EPAS1: variants seen among roughly 807,000 people sequenced by gnomAD.
EPAS1 encodes endothelial PAS domain protein 1.
Under a neutral mutation model 87.9 loss-of-function variants are expected in EPAS1, and 23 were observed. The observed-to-expected ratio is 0.26, with a 90% confidence interval of 0.19 to 0.37. The LOEUF (loss-of-function observed/expected upper bound fraction) is 0.37, where lower values mean the gene tolerates loss of function less well. Among genes scored for constraint, EPAS1 ranks in the 10% least tolerant of loss-of-function variants. EPAS1 has a pLI of 1.00. For synonymous variants in EPAS1, 508 were observed against 444.3 expected (o/e 1.14, Z -1.80); for missense variants, 1,138 against 1,120.7 (o/e 1.02, Z -0.22).
chr2:46,377,846 G>A (rs1308911130), intron 9 of EPAS1, 48 bp from the exon 10 acceptor site: 1 of 1,551,558 alleles, frequency 6.4e-7, no homozygotes, highest in Non-Finnish European at 8.7e-7. Context: ...GCCTTGGGGT[G>A]AGCCCGATGG....
intron 14 of EPAS1, 65 bp from the exon 15 acceptor site, chr2:46,382,360 G>C (rs2103677730): frequency 6.3e-7 from 1 of 1,595,176 alleles, no homozygotes; most frequent in Non-Finnish European, 8.6e-7. Context: ...GGGATGCTAG[G>C]GCTTCCTGGC....
chr2:46,307,285 G>C (rs1450040063), intron 1 of EPAS1, among the ~76,000 whole-genome samples: 1 of 152,212 alleles, frequency 6.6e-6, no homozygotes, highest in Non-Finnish European at 1.5e-5. Context: ...TGGGGCCTGG[G>C]TTTGGAGCAG....
chr2:46,361,349 G>C (rs13409493), intron 6 of EPAS1, among the ~76,000 whole-genome samples: 1 of 152,032 alleles, frequency 6.6e-6, no homozygotes, highest in Admixed American at 6.5e-5. Context: ...CATCATTGTG[G>C]TGTGAACATA....
rs572605312 is a variant in EPAS1, at chr2:46,378,096, C to G, written c.1443+9C>G. On this transcript the variant is annotated intron_variant, in intron 10 of 15. Coordinates refer to ENST00000263734, the MANE Select transcript of EPAS1 (RefSeq NM_001430.5). ...GCAGCAGCTGCTCCACGGTGAGCAGCCCTCTTATGGCGAGGACACAGAGAG... is the reference window on the plus strand; with the variant it reads ...GCAGCAGCTGCTCCACGGTGAGCAGGCCTCTTATGGCGAGGACACAGAGAG... 1.3e-6 allele frequency: 2 copies of G among 1,592,664 alleles called. No individual in the cohort carries two copies. The highest frequency in any genetic ancestry group is 3.5e-5 in the Admixed American group (2 of 57,912).
rs142434864 is a variant in EPAS1 at position 46,378,551 on chromosome 2, G to A, written c.1444-106G>A. 4,258 of 907,904 alleles carry A rather than the reference G, an allele frequency of 4.7e-3. 18 individuals carry two copies. Among genetic ancestry groups the A allele is most frequent in the Non-Finnish European group, 5.9e-3 (3,306 of 556,466 alleles). The allele number at this position is 907,904 out of a possible 1,614,324, so 56.2% of individuals were successfully genotyped here. ...TCTACAAATAGTTGTGTGGTGGAAT[G>A]GAATTGAACCTTTGGGTCCAGGAAG... On this transcript the variant is annotated intron_variant, in intron 10 of 15. Coordinates refer to ENST00000263734, the MANE Select transcript of EPAS1 (RefSeq NM_001430.5).
At chr2:46,326,098 TTCCTTC>T (rs776323757) in intron 1 of EPAS1, among the ~76,000 whole-genome samples, 62 of 152,330 alleles carry the variant, frequency 4.1e-4, no homozygotes, top group Middle Eastern at 6.8e-3. Flanking sequence ...ATTGGATCAG[TTCCTTC>T]TAGGCATCAG....
In EPAS1 at chr2:46,371,277, G is replaced by A. The variant is rs1252096745; in HGVS notation, c.886+1344G>A. Among the ~76,000 whole-genome samples the A allele has an allele frequency of 6.6e-6, 1 of 152,190 alleles. No homozygotes were observed. Among genetic ancestry groups the A allele is most frequent in the East Asian group, 1.9e-4 (1 of 5,196 alleles). On this transcript the variant is annotated intron_variant, in intron 7 of 15. Coordinates refer to ENST00000263734, the MANE Select transcript of EPAS1 (RefSeq NM_001430.5). The surrounding 1 kb of genome is among the most constrained non-coding windows in gnomAD (Gnocchi z 4.3). ...CAAGGCTAAGACAGCCAAGTTCAGT[G>A]CAGCCAGCAGAGTCACAACCCCGCA...
chr2:46,362,863 A>G (rs1684421449), intron 6 of EPAS1, among the ~76,000 whole-genome samples: 1 of 152,126 alleles, frequency 6.6e-6, no homozygotes, highest in South Asian at 2.1e-4. Context: ...ATAAGTAGAA[A>G]GAAATGCTCT....
At chr2:46,327,534 G>T (rs1224194874) in intron 1 of EPAS1, among the ~76,000 whole-genome samples, 6 of 152,112 alleles carry the variant, frequency 3.9e-5, no homozygotes, top group Admixed American at 2.6e-4. Flanking sequence ...TTGGAACACT[G>T]CCATTAATAT....
Position 46,384,495 on chromosome 2 carries a change from A to T in EPAS1, c.2462-14A>T. The T allele has an allele frequency of 6.2e-7, 1 of 1,614,222 alleles. No homozygotes were observed. Among genetic ancestry groups the T allele is most frequent in the Non-Finnish European group, 8.5e-7 (1 of 1,180,040 alleles). Reference sequence around the variant, plus strand: ...ATTTAGGCCTTTAAGTTATGGTACCAACCCTTCTTTCAGGCATGGCAAGCC... The same window carrying T: ...ATTTAGGCCTTTAAGTTATGGTACCTACCCTTCTTTCAGGCATGGCAAGCC... On this transcript the variant is annotated splice_polypyrimidine_tract_variant and intron_variant, in intron 15 of 15. Transcript: ENST00000263734.
At chr2:46,382,137 G>C (rs747541380) in intron 14 of EPAS1, 48 bp downstream of exon 14, 2 of 1,565,988 alleles carry the variant, frequency 1.3e-6, no homozygotes, top group Non-Finnish European at 1.7e-6. Flanking sequence ...CTGGTGGAAG[G>C]ACTGGGGCTC....
Position 46,297,838 on chromosome 2 carries a change from G to A in EPAS1, c.-74G>A, listed in dbSNP as rs1393976576. The A allele has an allele frequency of 2.6e-5, 41 of 1,573,070 alleles. No individual in the cohort carries two copies. The highest frequency in any genetic ancestry group is 3.4e-5 in the Non-Finnish European group (40 of 1,159,652). On this transcript the variant is annotated 5_prime_UTR_variant, in exon 1 of 16. Coordinates refer to ENST00000263734, the MANE Select transcript of EPAS1 (RefSeq NM_001430.5). ...CCCGCCCGGGCCGCGGGGAGCGGAC[G>A]AGGGCCACAGCCCCCCACCCGCCAG...
At chr2:46,302,827 A>G (rs1683037702) in intron 1 of EPAS1, among the ~76,000 whole-genome samples, 1 of 151,934 alleles carries the variant, frequency 6.6e-6, no homozygotes, top group African/African-American at 2.4e-5. Context: ...TAATCCCAGC[A>G]CTTTGAGAGG....
At chr2:46,310,832 C>A (rs548351769) in intron 1 of EPAS1, among the ~76,000 whole-genome samples, 5 of 152,224 alleles carry the variant, frequency 3.3e-5, no homozygotes, top group Admixed American at 6.5e-5. Context: ...TATATAACTC[C>A]TGAGTACTTT....
At position 46,380,402 on chromosome 2, in the gene EPAS1, T is replaced by G; in HGVS notation, c.1730T>G (p.Val577Gly). The G allele has an allele frequency of 1.2e-6, 2 of 1,614,124 alleles. No individual in the cohort carries two copies. The highest frequency in any genetic ancestry group is 2.2e-5 in the South Asian group (2 of 91,086). The change falls in exon 12 of 16, where the codon GTA (valine) becomes GGA (glycine). Residue 577 changes from valine to glycine, a missense_variant. Coordinates refer to ENST00000263734, the MANE Select transcript of EPAS1 (RefSeq NM_001430.5). This position sits in a 1 kb window ranked among gnomAD's most constrained non-coding sequence, Gnocchi z 4.4. Reference sequence around the variant, plus strand: ...AACATCTTCCAGCCACTGGCCCCTGTAGCCCCGCACAGTCCCTTCCTCCTG... The same window carrying G: ...AACATCTTCCAGCCACTGGCCCCTGGAGCCCCGCACAGTCCCTTCCTCCTG... ...MTNIFQPLAP[V>G]APHSPFLLDK...
Position 46,300,913 on chromosome 2 carries a change from C to G in EPAS1, c.26+2976C>G, listed in dbSNP as rs1682982768. ...TCCTCTTCTAAAATCAAATCAAACT[C>G]CATCATTATTCCAACTCTGAAGGGA... On this transcript the variant is annotated intron_variant, in intron 1 of 15. Coordinates refer to ENST00000263734, the MANE Select transcript of EPAS1 (RefSeq NM_001430.5). This position sits in a 1 kb window ranked among gnomAD's most constrained non-coding sequence, Gnocchi z 4.1. 6.6e-6 allele frequency among the ~76,000 whole-genome samples: 1 copy of G among 152,196 alleles called. No individual in the cohort carries two copies. Among genetic ancestry groups the G allele is most frequent in the Admixed American group, 6.5e-5 (1 of 15,276 alleles).
intron 6 of EPAS1, among the ~76,000 whole-genome samples, chr2:46,369,029 C>G (rs1684565625): frequency 6.6e-6 from 1 of 152,180 alleles, no homozygotes; most frequent in African/African-American, 2.4e-5. Context: ...CCCATCAAAA[C>G]CAGATACCTT....
At chr2:46,378,997 T>C (rs949901069) in intron 11 of EPAS1, among the ~76,000 whole-genome samples, 5 of 152,376 alleles carry the variant, frequency 3.3e-5, no homozygotes, top group East Asian at 3.9e-4. Context: ...CCTACTTAGA[T>C]AGCTTTCTTA....
chr2:46,362,740 C>T (rs752953640), intron 6 of EPAS1, among the ~76,000 whole-genome samples: 11 of 152,244 alleles, frequency 7.2e-5, no homozygotes, highest in African/African-American at 1.2e-4. Context: ...TTGGCCACCA[C>T]TTGTGGCACA....
Sources: allele counts gnomAD v4.1 joint callset (sites outside exome capture counted in the v4.1 genomes callset), GRCh38; gene constraint gnomAD v4.1.1; non-coding constraint Gnocchi (gnomAD v3.1); transcripts MANE v1.5; gene names NCBI Gene and HGNC (gene_info 2026-07-23, HGNC 2026-07-21).